Variants in ZNF497 observed in about 807,000 individuals in gnomAD.
ZNF497 encodes the protein zinc finger protein 497.
For missense variants in ZNF497, 930 were observed against 714.0 expected (o/e 1.30, Z -3.45); for synonymous variants, 422 against 313.7 (o/e 1.35, Z -3.65).
chr19:58,361,919 C>T (rs1366406504), intron 1 of ZNF497, among the ~76,000 whole-genome samples: 2 of 152,206 alleles, frequency 1.3e-5, no homozygotes, highest in Non-Finnish European at 2.9e-5. Context: ...CCGCCAGCCC[C>T]CAGCCGCATC....
At position 58,357,086 on chromosome 19, in the gene ZNF497, G is replaced by T. The variant is rs1314718689; in HGVS notation, c.550C>A (p.His184Asn). Reference sequence around the variant, plus strand: ...CAGCGGAAGGGCTTCAGGCCGCTGTGTGTCTCCTGGTGGTGGATGAGCTGC... The same window carrying T: ...CAGCGGAAGGGCTTCAGGCCGCTGTTTGTCTCCTGGTGGTGGATGAGCTGC... ...HSQLIHHQETHSGLKPFRCPD... is the reference protein window; with the variant it reads ...HSQLIHHQETNSGLKPFRCPD... The change falls in exon 3 of 3, where the codon CAC becomes AAC. Residue 184 changes from histidine (H) to asparagine (N), a missense_variant. His to Asn is a moderately conservative substitution (Grantham distance 68, BLOSUM62 1). Transcript: ENST00000311044. 15 of 1,608,660 alleles carry T rather than the reference G, an allele frequency of 9.3e-6. No individual in the cohort carries two copies. The highest frequency in any genetic ancestry group is 1.1e-5 in the Non-Finnish European group (13 of 1,176,254).
chr19:58,356,334 G>C lies in ZNF497; in HGVS notation c.1302C>G (p.Arg434=). Residue 434 remains arginine (R), a synonymous_variant, in exon 3 of 3, where the codon CGC becomes CGG. Coordinates refer to ENST00000311044, the MANE Select transcript of ZNF497 (RefSeq NM_198458.3). ...CGAACGGCCTCTCGCCAGAGTGCAGGCGCTGGTGCTGGCGCAGCTCGGAGC... is the reference window on the plus strand; with the variant it reads ...CGAACGGCCTCTCGCCAGAGTGCAGCCGCTGGTGCTGGCGCAGCTCGGAGC... ...RGSSELRQHQ[R]LHSGERPFVC... 6.4e-7 allele frequency: 1 copy of C among 1,572,914 alleles called. No homozygotes were observed. Among genetic ancestry groups the C allele is most frequent in the South Asian group, 1.1e-5 (1 of 86,964 alleles).
chr19:58,357,766 C>T (rs2052045499), intron 2 of ZNF497, 117 bp from the exon 3 acceptor site: 3 of 1,239,114 alleles, frequency 2.4e-6, no homozygotes, highest in South Asian at 1.8e-5. Context: ...CCTCCAGGTC[C>T]CTGGATGCCC....
At chr19:58,361,069 AC>A (rs1229363285) in intron 1 of ZNF497, among the ~76,000 whole-genome samples, 1 of 152,158 alleles carries the variant, frequency 6.6e-6, no homozygotes, top group African/African-American at 2.4e-5. Context: ...GGCGTGAGCC[AC>A]GGCACCCGGC....
intron 1 of ZNF497, 179 bp from the exon 2 acceptor site, chr19:58,358,764 A>T: frequency 2.2e-6 from 1 of 459,680 alleles, no homozygotes; most frequent in Non-Finnish European, 4.4e-6. Flanking sequence ...CAAGACCACC[A>T]AACTCCCACC....
In ZNF497 at chr19:58,356,159, C is replaced by T. The variant is rs767938357; in HGVS notation, c.1477G>A (p.Gly493Arg). 20 of 1,569,258 alleles carry T rather than the reference C, an allele frequency of 1.3e-5. No homozygotes were observed. Among genetic ancestry groups the T allele is most frequent in the Non-Finnish European group, 1.6e-5 (19 of 1,156,728 alleles). ...CNLNEHQKRH[G>R]GRAAP ...TCGGGTCAGGGCGCAGCGCGGCCCC[C>T]GTGCCGCTTCTGGTGCTCGTTGAGG... The change falls in exon 3 of 3, where the codon GGG (glycine) becomes AGG (arginine). Residue 493 changes from glycine to arginine, a missense_variant. Gly to Arg is a moderately radical substitution (Grantham distance 125, BLOSUM62 -2). Transcript: ENST00000311044.
Position 58,356,437 on chromosome 19 carries a change from C to T in ZNF497, c.1199G>A (p.Gly400Asp), listed in dbSNP as rs1047623143. ...GTGCGAAAGCCGGTGGTGCGCCAGG[C>T]CGGAACTGCCGCGGAAGGCCTTGCC... ...DCGKAFRGSS[G>D]LAHHRLSHTG... Residue 400 changes from glycine (G) to aspartate (D), a missense_variant, in exon 3 of 3, where the codon GGC becomes GAC. Physicochemically the swap from Gly to Asp is moderately conservative, Grantham distance 94. Transcript: ENST00000311044. 3 of 1,556,390 alleles carry T rather than the reference C, an allele frequency of 1.9e-6. No individual in the cohort carries two copies. Among genetic ancestry groups the T allele is most frequent in the Non-Finnish European group, 1.7e-6 (2 of 1,156,848 alleles).
rs1233473504 is a variant in ZNF497 at position 58,354,905 on chromosome 19, TG to T, written c.*1233del. 6.6e-6 allele frequency: 1 copy of T among 152,348 alleles called. No homozygotes were observed. Among genetic ancestry groups the T allele is most frequent in the Non-Finnish European group, 1.5e-5 (1 of 68,112 alleles). 9.4% of individuals were successfully genotyped at this position (152,348 alleles called of 1,614,324 possible). ...CCTTTCAGCCCATTGGCAATGAGGC[TG>T]CCCAGGCAGCCAGAGGCCTGGTCAA... is the stretch of plus-strand genomic sequence containing the variant. On this transcript the variant is annotated 3_prime_UTR_variant, in exon 3 of 3. Transcript: ENST00000311044.
intron 1 of ZNF497, among the ~76,000 whole-genome samples, chr19:58,362,251 C>T (rs1440023732): frequency 6.6e-6 from 1 of 152,200 alleles, no homozygotes; most frequent in Non-Finnish European, 1.5e-5. Flanking sequence ...CCAGGTGGCG[C>T]GAGGCCTGTG....
Position 58,356,261 on chromosome 19 carries a change from T to C in ZNF497, c.1375A>G (p.Ser459Gly). 6.4e-7 allele frequency: 1 copy of C among 1,573,074 alleles called. No homozygotes were observed. The highest frequency in any genetic ancestry group is 8.6e-7 in the Non-Finnish European group (1 of 1,158,922). Residue 459 changes from serine to glycine, a missense_variant, in exon 3 of 3, where the codon AGC becomes GGC. Physicochemically the swap from Ser to Gly is moderately conservative, Grantham distance 56. Coordinates refer to ENST00000311044, the MANE Select transcript of ZNF497 (RefSeq NM_198458.3). ...KAFVRKSELL[S>G]HRRTHTGERP... ...TCGCCCGTGTGCGTGCGCCGGTGGC[T>C]TAAGAGCTCCGACTTGCGCACGAAG...
At chr19:58,360,251 C>A (rs1568560737) in intron 1 of ZNF497, among the ~76,000 whole-genome samples, 3 of 151,986 alleles carry the variant, frequency 2.0e-5, no homozygotes, top group African/African-American at 7.2e-5. Flanking sequence ...CTGAATATAC[C>A]AAAAACCACT....
At chr19:58,358,310 T>G (rs1326698587) in intron 2 of ZNF497, 179 bp downstream of exon 2, 2 of 1,281,384 alleles carry the variant, frequency 1.6e-6, no homozygotes, top group Non-Finnish European at 2.0e-6. Flanking sequence ...AGGCCAAGGG[T>G]GGGAGGGCCT....
chr19:58,356,457 C>A lies in ZNF497; in HGVS notation c.1179G>T (p.Lys393Asn). The A allele has an allele frequency of 1.3e-6, 2 of 1,556,826 alleles. No homozygotes were observed. Among genetic ancestry groups the A allele is most frequent in the South Asian group, 2.3e-5 (2 of 85,510 alleles). Residue 393 changes from lysine to asparagine, a missense_variant, in exon 3 of 3, where the codon AAG becomes AAT. Coordinates refer to ENST00000311044, the MANE Select transcript of ZNF497 (RefSeq NM_198458.3). Reference sequence around the variant, plus strand: ...CCAGGCCGGAACTGCCGCGGAAGGCCTTGCCGCAGTCGGCGCAGGCGAAGG... The same window carrying A: ...CCAGGCCGGAACTGCCGCGGAAGGCATTGCCGCAGTCGGCGCAGGCGAAGG... ...AKPFACADCG[K>N]AFRGSSGLAH...
intron 1 of ZNF497, chr19:58,359,249 CTCA>C (rs1324353560): frequency 7.7e-7 from 1 of 1,290,372 alleles, no homozygotes; most frequent in African/African-American, 1.5e-5. Flanking sequence ...TGATGCCTCA[CTCA>C]TCTGGGCAGC....
At chr19:58,360,863 G>A (rs1186039093) in intron 1 of ZNF497, among the ~76,000 whole-genome samples, 1 of 121,934 alleles carries the variant, frequency 8.2e-6, no homozygotes, top group African/African-American at 3.2e-5. Context: ...CTCACTGCAA[G>A]CTCTGCCTCC....
Position 58,357,669 on chromosome 19 carries a change from G to T in ZNF497, c.-14-20C>A. The stretch of plus-strand genomic sequence containing the variant: ...TGTGACCTAAAACAGGAGAGAAAAG[G>T]CAAGTACCTTAGAGAATACAAAGAA... On this transcript the variant is annotated intron_variant, in intron 2 of 2. Coordinates refer to ENST00000311044, the MANE Select transcript of ZNF497 (RefSeq NM_198458.3). 3 of 1,511,120 alleles carry T rather than the reference G, an allele frequency of 2.0e-6. No homozygotes were observed. Among genetic ancestry groups the T allele is most frequent in the Admixed American group, 4.6e-5 (2 of 43,864 alleles). The allele number at this position is 1,511,120 out of a possible 1,614,324, so 93.6% of individuals were successfully genotyped here. A position where few individuals can be genotyped will look rare whatever the true frequency, so the allele number is the denominator to read the frequency against.
At chr19:58,359,274 T>C (rs1481157158) in intron 1 of ZNF497, 3 of 1,289,666 alleles carry the variant, frequency 2.3e-6, no homozygotes, top group Admixed American at 4.6e-5. Context: ...ATCCTGCCCC[T>C]TTCCTGGGAG....
chr19:58,356,722 G>A lies in ZNF497; in HGVS notation c.914C>T (p.Ala305Val). The change falls in exon 3 of 3, where the codon GCC becomes GTC. Residue 305 changes from alanine (A) to valine (V), a missense_variant. Physicochemically the swap from Ala to Val is moderately conservative, Grantham distance 64. Coordinates refer to ENST00000311044, the MANE Select transcript of ZNF497 (RefSeq NM_198458.3). Reference sequence around the variant, plus strand: ...CTCGCGGAAAGCCTTTCCGCACTCGGCGCAGGGGAAGGGCTTCTCGCTGCT... The same window carrying A: ...CTCGCGGAAAGCCTTTCCGCACTCGACGCAGGGGAAGGGCTTCTCGCTGCT... ...THSSEKPFPCAECGKAFRESS... is the reference protein window; with the variant it reads ...THSSEKPFPCVECGKAFRESS... 2 of 1,571,160 alleles carry A rather than the reference G, an allele frequency of 1.3e-6. No individual in the cohort carries two copies. The highest frequency in any genetic ancestry group is 1.7e-6 in the Non-Finnish European group (2 of 1,165,168).
intron 1 of ZNF497, among the ~76,000 whole-genome samples, chr19:58,361,045 G>A (rs1429680159): frequency 6.6e-6 from 1 of 152,158 alleles, no homozygotes; most frequent in Non-Finnish European, 1.5e-5. Flanking sequence ...GCCTCCCAAA[G>A]TGCTGGGATT....
Sources: allele counts gnomAD v4.1 joint callset (sites outside exome capture counted in the v4.1 genomes callset), GRCh38; gene constraint gnomAD v4.1.1; transcripts MANE v1.5; gene names NCBI Gene and HGNC (gene_info 2026-07-23, HGNC 2026-07-21).